NOL11: variants seen among roughly 807,000 people sequenced by gnomAD.
NOL11 encodes the protein nucleolar protein 11.
Under a neutral mutation model 93.0 loss-of-function variants are expected in NOL11, and 42 were observed. The ratio of observed to expected loss-of-function variants is 0.45; its 90% CI spans 0.35 to 0.58. The LOEUF (loss-of-function observed/expected upper bound fraction) is 0.58, where lower values mean the gene tolerates loss of function less well. NOL11 is among the 20% of genes least tolerant of loss of function. The pLI is 0.00. For missense variants in NOL11, 775 were observed against 841.8 expected (o/e 0.92, Z 0.98); for synonymous variants, 296 against 293.7 (o/e 1.01, Z -0.08).
chr17:67,734,774 G>A (rs144333791), intron 8 of NOL11, among the ~76,000 whole-genome samples: 272 of 152,270 alleles, frequency 1.8e-3, no homozygotes, highest in African/African-American at 6.2e-3. Flanking sequence ...CCTGTGAAGA[G>A]CTGCTGCAGT....
In NOL11 at chr17:67,743,948, A is replaced by C. The variant is rs752208441; in HGVS notation, c.*89A>C. On this transcript the variant is annotated 3_prime_UTR_variant, in exon 18 of 18. Transcript: ENST00000253247. The stretch of plus-strand genomic sequence containing the variant: ...AGGCAAGAACGGTGTTTTGTTTGCG[A>C]CCATCTCAGTGTCAAGAGAAACGTG... 1.5e-6 allele frequency: 1 copy of C among 687,558 alleles called. No homozygotes were observed. Among genetic ancestry groups the C allele is most frequent in the South Asian group, 1.8e-5 (1 of 55,830 alleles). 42.6% of individuals were successfully genotyped at this position (687,558 alleles called of 1,614,324 possible).
intron 7 of NOL11, among the ~76,000 whole-genome samples, chr17:67,730,551 C>T (rs866215264): frequency 1.1e-4 from 16 of 152,230 alleles, no homozygotes; most frequent in Admixed American, 6.5e-4. Flanking sequence ...TGAGCCACTG[C>T]GCCCAGCTGT....
intron 11 of NOL11, 62 bp from the exon 12 acceptor site, chr17:67,737,446 G>A (rs917709358): frequency 2.1e-5 from 28 of 1,348,224 alleles, no homozygotes; most frequent in South Asian, 1.2e-4. Flanking sequence ...GCTAGGAAAC[G>A]TTAAGTTCAG....
Position 67,743,566 on chromosome 17 carries a change from T to C in NOL11, c.2023T>C (p.Tyr675His), listed in dbSNP as rs1366408005. The C allele has an allele frequency of 1.9e-6, 3 of 1,598,274 alleles. No individual in the cohort carries two copies. Among genetic ancestry groups the C allele is most frequent in the African/African-American group, 1.3e-5 (1 of 74,638 alleles). ...PEAKRLLINL[Y>H]KLVKSQISVY... ...AGCAAAGAGGCTACTGATAAATCTT[T>C]ACAAGCTTGTAAAATCTCAGGTTTG... The change falls in exon 17 of 18, where the codon TAC (tyrosine) becomes CAC (histidine). Residue 675 changes from tyrosine to histidine, a missense_variant. Transcript: ENST00000253247.
Position 67,719,729 on chromosome 17 carries a change from C to A in NOL11, c.197C>A (p.Thr66Lys), listed in dbSNP as rs1297342099. ...SWSVKQGQII[T>K]CPAVCNFQTG... ...TCAGTGAAACAAGGTCAAATTATAA[C>A]ATGTCCAGCTGTGTGCAACTTTCAA... Residue 66 changes from threonine (T) to lysine (K), a missense_variant, in exon 2 of 18, where the codon ACA becomes AAA. By Grantham distance (78) the Thr-to-Lys change is moderately conservative. Transcript: ENST00000253247. 1.2e-6 allele frequency: 2 copies of A among 1,610,788 alleles called. No individual in the cohort carries two copies. The highest frequency in any genetic ancestry group is 2.2e-5 in the South Asian group (2 of 90,862).
chr17:67,728,841 G>A (rs2055124089), intron 7 of NOL11, among the ~76,000 whole-genome samples: 1 of 152,140 alleles, frequency 6.6e-6, no homozygotes, highest in Non-Finnish European at 1.5e-5. Context: ...TGGCCCCACA[G>A]TGTGCTTCAT....
chr17:67,720,101 C>T, intron 3 of NOL11, 139 bp downstream of exon 3: 2 of 707,488 alleles, frequency 2.8e-6, no homozygotes, highest in South Asian at 5.4e-5. Flanking sequence ...TTCTAATTAT[C>T]TTACAATGTA....
chr17:67,739,450 A>G lies in NOL11; in HGVS notation c.1843-66A>G. 3.3e-6 allele frequency: 3 copies of G among 908,744 alleles called. No homozygotes were observed. The South Asian group carries it at 4.8e-5, about 15-fold the overall frequency. 56.3% of individuals were successfully genotyped at this position (908,744 alleles called of 1,614,324 possible). The stretch of plus-strand genomic sequence containing the variant: ...TTGAACATTTTTTTCAATCTTCGTG[A>G]TGGGTTTATATAATAGAAATTTTTT... On this transcript the variant is annotated intron_variant, in intron 15 of 17. Coordinates refer to ENST00000253247, the MANE Select transcript of NOL11 (RefSeq NM_015462.5).
Position 67,718,102 on chromosome 17 carries a change from G to C in NOL11, c.141+14G>C, listed in dbSNP as rs780142105. 1.0e-5 allele frequency: 16 copies of C among 1,605,478 alleles called. 1 individual carries two copies. Among genetic ancestry groups the C allele is most frequent in the East Asian group, 8.9e-5 (4 of 44,730 alleles). ...ATCCTCTATAAGGTGAAGGCAATAG[G>C]TTTGGGAGCGCCCCGACTGCCTTCT... On this transcript the variant is annotated intron_variant, in intron 1 of 17. Transcript: ENST00000253247.
chr17:67,740,233 C>CA (rs796716557), intron 16 of NOL11, among the ~76,000 whole-genome samples: 66 of 134,756 alleles, frequency 4.9e-4, no homozygotes, highest in East Asian at 1.4e-3. Context: ...AACTCTGTCC[C>CA]AAAAAAAAAA....
At chr17:67,726,433 C>T (rs1045914788) in intron 6 of NOL11, 27 bp from the exon 7 acceptor site, 1 of 1,578,252 alleles carries the variant, frequency 6.3e-7, no homozygotes, top group African/African-American at 1.4e-5. Context: ...CCTTCAATAA[C>T]CAACAACAAA....
intron 12 of NOL11, 37 bp downstream of exon 12, chr17:67,737,729 T>C: frequency 1.3e-6 from 2 of 1,592,722 alleles, no homozygotes; most frequent in Non-Finnish European, 1.7e-6. Flanking sequence ...ACGTGCATAA[T>C]TCTTCTGACC....
Position 67,736,646 on chromosome 17 carries a change from T to G in NOL11, c.1055-20T>G. ...GTAAGTCAAAACATTCCAGAAATTG[T>G]GCATTTTGCATTTTCTTAGGAACTC... is the stretch of plus-strand genomic sequence containing the variant. On this transcript the variant is annotated intron_variant, in intron 9 of 17. Coordinates refer to ENST00000253247, the MANE Select transcript of NOL11 (RefSeq NM_015462.5). 6.6e-7 allele frequency: 1 copy of G among 1,507,810 alleles called. No homozygotes were observed. The highest frequency in any genetic ancestry group is 9.1e-7 in the Non-Finnish European group (1 of 1,093,360). 93.4% of individuals were successfully genotyped at this position (1,507,810 alleles called of 1,614,324 possible). A position where few individuals can be genotyped will look rare whatever the true frequency, so the allele number is the denominator to read the frequency against.
At chr17:67,725,399 G>GA (rs922947505) in intron 6 of NOL11, among the ~76,000 whole-genome samples, 21 of 148,780 alleles carry the variant, frequency 1.4e-4, no homozygotes, top group South Asian at 4.2e-4. Flanking sequence ...GGGCGGGGAA[G>GA]AAAAAAAAAA....
intron 1 of NOL11, chr17:67,719,310 G>GAGCGCAGTGGCACGATCTC (rs1410171352): frequency 6.2e-6 from 1 of 161,342 alleles, no homozygotes; most frequent in Non-Finnish European, 1.4e-5. Flanking sequence ...GAGGTGGGTG[G>GAGCGCAGTGGCACGATCTC]AGCGCAGTGG....
At position 67,734,405 on chromosome 17, in the gene NOL11, C is replaced by A. The variant is rs749918715; in HGVS notation, c.896C>A (p.Thr299Asn). ...AACATAAAATTTCAAACACTACAGA[C>A]TTCAAAAGAGTTACCACAAGGGACC... is the stretch of plus-strand genomic sequence containing the variant. ...VWNIKFQTLQ[T>N]SKELPQGTSG... Residue 299 changes from threonine (T) to asparagine (N), a missense_variant, in exon 8 of 18, where the codon ACT (threonine) becomes AAT (asparagine). Physicochemically the swap from Thr to Asn is moderately conservative, Grantham distance 65 (BLOSUM62 0). Transcript: ENST00000253247. 6.2e-7 allele frequency: 1 copy of A among 1,608,500 alleles called. No individual in the cohort carries two copies. Among genetic ancestry groups the A allele is most frequent in the South Asian group, 1.1e-5 (1 of 90,856 alleles).
chr17:67,732,119 TTA>T (rs1257130575), intron 7 of NOL11, among the ~76,000 whole-genome samples: 1 of 152,180 alleles, frequency 6.6e-6, no homozygotes, highest in African/African-American at 2.4e-5. Context: ...CTCTATTTAT[TTA>T]TGTCTTCCTT....
In NOL11 at chr17:67,719,862, A is replaced by G. The variant is rs753659543; in HGVS notation, c.256-44A>G. ...TAACTATTTGTATTTATTATATGTA[A>G]ATGGAGAATAGGATAGTTTTTAACT... On this transcript the variant is annotated intron_variant, in intron 2 of 17. Transcript: ENST00000253247. 8.1e-5 allele frequency: 123 copies of G among 1,520,582 alleles called. 4 individuals carry two copies. In the South Asian group the frequency reaches 1.5e-3, roughly 18 times the overall value. The allele number at this position is 1,520,582 out of a possible 1,614,324, so 94.2% of individuals were successfully genotyped here. A position where few individuals can be genotyped will look rare whatever the true frequency, so the allele number is the denominator to read the frequency against.
At chr17:67,728,534 C>T (rs1035009908) in intron 7 of NOL11, among the ~76,000 whole-genome samples, 9 of 152,166 alleles carry the variant, frequency 5.9e-5, no homozygotes, top group Non-Finnish European at 1.2e-4. Flanking sequence ...CCTCTCTCTT[C>T]TCCCATCTTC....
Sources: gnomAD v4.1 joint callset for allele counts (sites outside exome capture counted in the v4.1 genomes callset) on GRCh38, gnomAD v4.1.1 for gene constraint, MANE v1.5 for transcripts, NCBI Gene and HGNC (gene_info 2026-07-23, HGNC 2026-07-21) for gene names.